The following PLGRKT variants were observed in gnomAD, a reference collection of about 807,000 sequenced individuals.
PLGRKT encodes plasminogen receptor with a C-terminal lysine.
In PLGRKT, 22 loss-of-function variants were observed where a neutral mutation model predicts 18.5. The observed-to-expected ratio is 1.19, with a 90% CI of 0.85 to 1.70. PLGRKT has a LOEUF of 1.70. PLGRKT is among the 40% of genes most tolerant of loss of function. The pLI, the probability that PLGRKT is intolerant of heterozygous loss-of-function variation, is 0.00. For missense variants in PLGRKT, 235 were observed against 174.4 expected, an observed-to-expected ratio of 1.35 and a Z score of -1.96; for synonymous variants, 72 against 52.8, an observed-to-expected ratio of 1.36 and a Z score of -1.58.
chr9:5,428,533 G>C (rs995156920), intron 3 of PLGRKT, among the ~76,000 whole-genome samples: 1 of 152,190 alleles, frequency 6.6e-6, no homozygotes, highest in Non-Finnish European at 1.5e-5. Flanking sequence ...CCAGAGGCCA[G>C]AGAACACAGG....
chr9:5,437,511 T>C (rs1257095433), intron 1 of PLGRKT: 1 of 152,192 alleles, frequency 6.6e-6, no homozygotes, highest in African/African-American at 2.4e-5. Context: ...CGCAATAGTG[T>C]GCTGATTTCT....
chr9:5,372,108 A>T (rs1247992444), intron 3 of PLGRKT, among the ~76,000 whole-genome samples: 2 of 150,244 alleles, frequency 1.3e-5, no homozygotes, highest in Non-Finnish European at 2.9e-5. Flanking sequence ...CAGCCTCCCA[A>T]GTAGCTGGGA....
intron 3 of PLGRKT, among the ~76,000 whole-genome samples, chr9:5,385,894 C>A (rs1419059766): frequency 6.6e-6 from 1 of 151,868 alleles, no homozygotes; most frequent in African/African-American, 2.4e-5. Context: ...AAAGGAAAGG[C>A]ATGCTTATTG....
At chr9:5,406,678 G>A (rs1164085817) in intron 3 of PLGRKT, among the ~76,000 whole-genome samples, 3 of 152,110 alleles carry the variant, frequency 2.0e-5, no homozygotes, top group Non-Finnish European at 4.4e-5. Context: ...CCTAGGTGAT[G>A]GGTTGACAGG....
At chr9:5,417,476 G>A (rs1233029425) in intron 3 of PLGRKT, among the ~76,000 whole-genome samples, 2 of 151,830 alleles carry the variant, frequency 1.3e-5, no homozygotes, top group African/African-American at 4.8e-5. Flanking sequence ...ATTTGGCAAT[G>A]GTTTCTCTGA....
chr9:5,417,348 C>T (rs555355613), intron 3 of PLGRKT, among the ~76,000 whole-genome samples: 3 of 152,194 alleles, frequency 2.0e-5, no homozygotes, highest in African/African-American at 4.8e-5. Context: ...TAAAGTTGGA[C>T]CCTTACTTCA....
chr9:5,384,110 T>C (rs558001100), intron 3 of PLGRKT, among the ~76,000 whole-genome samples: 71 of 152,306 alleles, frequency 4.7e-4, no homozygotes, highest in African/African-American at 1.7e-3. Context: ...GAGGTCCACA[T>C]TGGAGTTCTA....
intron 3 of PLGRKT, among the ~76,000 whole-genome samples, chr9:5,373,920 AC>A (rs1748573792): frequency 6.6e-6 from 1 of 152,228 alleles, no homozygotes; most frequent in South Asian, 2.1e-4. Context: ...CCTCCTAAGA[AC>A]AGCCAGGCAT....
chr9:5,424,644 T>A (rs1269078955), intron 3 of PLGRKT, among the ~76,000 whole-genome samples: 1 of 71,066 alleles, frequency 1.4e-5, no homozygotes, highest in Non-Finnish European at 2.9e-5. Flanking sequence ...TATATTTACA[T>A]TATATATAAT....
At chr9:5,380,713 T>C (rs1563772514) in intron 3 of PLGRKT, among the ~76,000 whole-genome samples, 1 of 152,250 alleles carries the variant, frequency 6.6e-6, no homozygotes, top group Non-Finnish European at 1.5e-5. Context: ...AGTATCTTTT[T>C]CTCTTTTGTT....
chr9:5,405,726 G>A (rs1303135568), intron 3 of PLGRKT, among the ~76,000 whole-genome samples: 2 of 152,076 alleles, frequency 1.3e-5, no homozygotes, highest in African/African-American at 4.8e-5. Context: ...AATTGCCAAA[G>A]GCAACTGCAA....
At chr9:5,380,822 C>T (rs150900559) in intron 3 of PLGRKT, among the ~76,000 whole-genome samples, 3 of 152,252 alleles carry the variant, frequency 2.0e-5, no homozygotes, top group African/African-American at 7.2e-5. Context: ...TATGGTTTGG[C>T]TCTGTGTCCC....
intron 3 of PLGRKT, among the ~76,000 whole-genome samples, chr9:5,386,301 G>C (rs1382885302): frequency 1.3e-5 from 2 of 151,836 alleles, no homozygotes; most frequent in East Asian, 3.8e-4. Context: ...CTTAAGTACA[G>C]GTAATTCCCT....
chr9:5,407,805 A>G (rs929747856), intron 3 of PLGRKT, among the ~76,000 whole-genome samples: 3 of 152,256 alleles, frequency 2.0e-5, no homozygotes, highest in Non-Finnish European at 4.4e-5. Context: ...AAAAATAGTA[A>G]CATTTGACCT....
chr9:5,363,345 G>A (rs1489938924), intron 3 of PLGRKT, among the ~76,000 whole-genome samples: 1 of 151,570 alleles, frequency 6.6e-6, no homozygotes, highest in Non-Finnish European at 1.5e-5. Flanking sequence ...GATCCTCTGG[G>A]ATCCAGTGGC....
At chr9:5,432,523 G>C (rs756287613) in intron 2 of PLGRKT, among the ~76,000 whole-genome samples, 1 of 126,360 alleles carries the variant, frequency 7.9e-6, no homozygotes, top group Non-Finnish European at 1.6e-5. Context: ...CTCTTTCTAC[G>C]GTCTCCCTCT....
At chr9:5,437,109 T>C (rs1481837458) in intron 1 of PLGRKT, among the ~76,000 whole-genome samples, 1 of 152,176 alleles carries the variant, frequency 6.6e-6, no homozygotes, top group Non-Finnish European at 1.5e-5. Context: ...GAAGGGGTCT[T>C]TAATGCTTCA....
At chr9:5,361,937 GA>G (rs763013375) in intron 3 of PLGRKT, 49 bp from the exon 4 acceptor site, 1 of 1,541,680 alleles carries the variant, frequency 6.5e-7, no homozygotes, top group Admixed American at 1.9e-5. Context: ...TTTGGAATCT[GA>G]ACAAATAGTT....
chr9:5,423,119 C>A (rs921594220), intron 3 of PLGRKT, among the ~76,000 whole-genome samples: 1 of 152,100 alleles, frequency 6.6e-6, no homozygotes, highest in African/African-American at 2.4e-5. Context: ...TGAAGCCAGA[C>A]CAATTTTGGC....
Sources: gnomAD v4.1 joint callset for allele counts (sites outside exome capture counted in the v4.1 genomes callset) on GRCh38, gnomAD v4.1.1 for gene constraint, MANE v1.5 for transcripts, NCBI Gene and HGNC (gene_info 2026-07-23, HGNC 2026-07-21) for gene names.